The following PAPSS1 variants were observed in gnomAD, a reference collection of about 807,000 sequenced individuals.
The protein encoded by PAPSS1 is bifunctional 3'-phosphoadenosine 5'-phosphosulfate synthase 1.
Under a neutral mutation model 72.0 loss-of-function variants are expected in PAPSS1, and 50 were observed. That is an observed-to-expected ratio of 0.69 (90% CI 0.55 to 0.88). The LOEUF (loss-of-function observed/expected upper bound fraction) is 0.88, where lower values mean the gene tolerates loss of function less well. Ranked by LOEUF, PAPSS1 falls within the 40% of genes least tolerant of loss-of-function variation. The pLI is 0.00. For synonymous variants in PAPSS1, 261 were observed against 263.6 expected (o/e 0.99, Z 0.09); for missense variants, 657 against 782.2 (o/e 0.84, Z 1.91).
At chr4:107,676,111 T>C (rs1348549984) in intron 5 of PAPSS1, among the ~76,000 whole-genome samples, 3 of 152,162 alleles carry the variant, frequency 2.0e-5, no homozygotes, top group African/African-American at 7.2e-5. Context: ...GCATTCCCTT[T>C]GAAAACTGGC....
At chr4:107,651,464 C>T (rs901902432) in intron 9 of PAPSS1, among the ~76,000 whole-genome samples, 14 of 152,046 alleles carry the variant, frequency 9.2e-5, no homozygotes, top group Admixed American at 2.6e-4. Flanking sequence ...AAGAAATGCC[C>T]GAGACCAGGT....
At chr4:107,665,845 G>A (rs1340173526) in intron 5 of PAPSS1, among the ~76,000 whole-genome samples, 1 of 152,152 alleles carries the variant, frequency 6.6e-6, no homozygotes, top group Non-Finnish European at 1.5e-5. Flanking sequence ...GACACTGGCA[G>A]GCAGGGCAAA....
chr4:107,654,956 C>T, intron 7 of PAPSS1, 56 bp from the exon 8 acceptor site: 4 of 1,300,904 alleles, frequency 3.1e-6, no homozygotes, highest in Non-Finnish European at 4.4e-6. Flanking sequence ...ACACGCTTTA[C>T]TTAACACCCA....
chr4:107,715,360 A>T (rs1022708767), intron 1 of PAPSS1, among the ~76,000 whole-genome samples: 6 of 152,310 alleles, frequency 3.9e-5, no homozygotes, highest in African/African-American at 1.4e-4. Flanking sequence ...CAGGGTAGAA[A>T]GATCAATTCT....
intron 5 of PAPSS1, among the ~76,000 whole-genome samples, chr4:107,681,303 A>G (rs1203532214): frequency 6.6e-6 from 1 of 152,148 alleles, no homozygotes; most frequent in East Asian, 1.9e-4. Context: ...CAGGGTAATC[A>G]CTGACCCAAG....
intron 6 of PAPSS1, among the ~76,000 whole-genome samples, chr4:107,658,751 T>A (rs1727087410): frequency 6.6e-6 from 1 of 152,168 alleles, no homozygotes; most frequent in African/African-American, 2.4e-5. Flanking sequence ...TGGCTACTAC[T>A]TGTCTCTACT....
At chr4:107,659,612 T>C (rs1484201500) in intron 6 of PAPSS1, among the ~76,000 whole-genome samples, 1 of 152,194 alleles carries the variant, frequency 6.6e-6, no homozygotes. Flanking sequence ...AGAAAACATG[T>C]CTGAAGGGGA....
intron 10 of PAPSS1, among the ~76,000 whole-genome samples, chr4:107,643,443 T>C (rs1219999037): frequency 6.6e-6 from 1 of 152,168 alleles, no homozygotes; most frequent in Non-Finnish European, 1.5e-5. Context: ...ATGGACTCAA[T>C]TAAAGCCTCC....
In PAPSS1 at chr4:107,653,529, G is replaced by A. The variant is rs767457218; in HGVS notation, c.1199C>T (p.Pro400Leu). Residue 400 changes from proline to leucine, a missense_variant, in exon 9 of 12, where the codon CCT becomes CTT. Physicochemically the swap from Pro to Leu is moderately conservative, Grantham distance 98. This residue lies in a region of PAPSS1 where 166 missense variants were observed against 228.3 expected (regional missense o/e 0.73). Transcript: ENST00000265174. ...TTTAAATTTCTGCTTTAGCTCAGTAGGAGTAAGACGATACTGATCAAGACC... is the reference window on the plus strand; with the variant it reads ...TTTAAATTTCTGCTTTAGCTCAGTAAGAGTAAGACGATACTGATCAAGACC... Reference protein sequence around the residue: ...NDGLDQYRLTPTELKQKFKDM... With the variant: ...NDGLDQYRLTLTELKQKFKDM... The A allele has an allele frequency of 2.5e-6, 4 of 1,611,124 alleles. No individual in the cohort carries two copies. In the Admixed American group the frequency reaches 6.7e-5, roughly 27 times the overall value.
chr4:107,682,000 T>TAAGGAA lies in PAPSS1; in HGVS notation c.669+14_669+15insTTCCTT. ...TAATTTTTCTCTGATGATTCCTTCT[T>TAAGGAA]TCATCCTCTCTTACCCGTTCCTGTA... On this transcript the variant is annotated intron_variant, in intron 5 of 11. Coordinates refer to ENST00000265174, the MANE Select transcript of PAPSS1 (RefSeq NM_005443.5). 3.1e-6 allele frequency: 4 copies of TAAGGAA among 1,270,138 alleles called. No individual in the cohort carries two copies. The highest frequency in any genetic ancestry group is 3.4e-6 in the Non-Finnish European group (3 of 890,818). 78.7% of individuals were successfully genotyped at this position (1,270,138 alleles called of 1,614,324 possible). A position where few individuals can be genotyped will look rare whatever the true frequency, so the allele number is the denominator to read the frequency against.
chr4:107,615,084 GA>G (rs1187092777), intron 11 of PAPSS1, among the ~76,000 whole-genome samples: 1 of 98,822 alleles, frequency 1.0e-5, no homozygotes, highest in Non-Finnish European at 2.4e-5. Context: ...GAGTAAAATT[GA>G]ATTTTTTTTC....
intron 5 of PAPSS1, among the ~76,000 whole-genome samples, chr4:107,663,679 A>G (rs867848149): frequency 6.6e-6 from 1 of 152,170 alleles, no homozygotes; most frequent in African/African-American, 2.4e-5. Context: ...AAGAATACTC[A>G]GTAATTAGAG....
At chr4:107,706,097 T>C (rs139488577) in intron 1 of PAPSS1, among the ~76,000 whole-genome samples, 2 of 152,356 alleles carry the variant, frequency 1.3e-5, no homozygotes, top group Admixed American at 1.3e-4. Context: ...TCTTTTATTT[T>C]TGACAGTTTA....
intron 9 of PAPSS1, among the ~76,000 whole-genome samples, chr4:107,653,235 T>TG (rs1489678309): frequency 6.6e-6 from 1 of 152,082 alleles, no homozygotes; most frequent in Non-Finnish European, 1.5e-5. Flanking sequence ...AGCTTTAACA[T>TG]GCGAGTTTTA....
intron 9 of PAPSS1, among the ~76,000 whole-genome samples, chr4:107,646,308 T>C (rs926077824): frequency 1.3e-4 from 19 of 142,698 alleles, no homozygotes; most frequent in Admixed American, 4.1e-4. Flanking sequence ...TATATATATA[T>C]ATACACACAC....
chr4:107,706,708 A>T (rs1723346623), intron 1 of PAPSS1, among the ~76,000 whole-genome samples: 2 of 152,186 alleles, frequency 1.3e-5, no homozygotes, highest in South Asian at 4.1e-4. Context: ...TTATATCAAT[A>T]TCTGTACAAT....
chr4:107,688,966 T>G (rs1193416782), intron 3 of PAPSS1, among the ~76,000 whole-genome samples: 4 of 152,172 alleles, frequency 2.6e-5, no homozygotes, highest in African/African-American at 7.2e-5. Context: ...GAGTGGTTCC[T>G]TCCCTTTCCC....
intron 1 of PAPSS1, among the ~76,000 whole-genome samples, chr4:107,715,772 T>C (rs922972343): frequency 6.6e-6 from 1 of 152,226 alleles, no homozygotes; most frequent in African/African-American, 2.4e-5. Context: ...TTTGAGGAGC[T>C]AATAAATAAT....
chr4:107,681,108 C>T (rs1318681076), intron 5 of PAPSS1, among the ~76,000 whole-genome samples: 3 of 152,032 alleles, frequency 2.0e-5, no homozygotes, highest in East Asian at 1.9e-4. Context: ...CAGTAAGATA[C>T]ACTAGATGAA....
Sources: allele counts gnomAD v4.1 joint callset (sites outside exome capture counted in the v4.1 genomes callset), GRCh38; gene constraint gnomAD v4.1.1; regional missense constraint gnomAD v4.1.1; transcripts MANE v1.5; gene names NCBI Gene and HGNC (gene_info 2026-07-23, HGNC 2026-07-21).